HERC4: variants seen among roughly 807,000 people sequenced by gnomAD.
The protein encoded by HERC4 is HECT and RLD domain containing E3 ubiquitin protein ligase 4.
A neutral mutation model predicts 124.3 loss-of-function variants in HERC4; 28 were observed. The observed-to-expected ratio is 0.23, with a 90% confidence interval of 0.17 to 0.31. HERC4 has a LOEUF of 0.31. Among genes scored for constraint, HERC4 ranks in the 10% least tolerant of loss-of-function variants. HERC4 has a pLI of 1.00. For synonymous variants in HERC4, 407 were observed against 421.5 expected (o/e 0.97, Z 0.42); for missense variants, 713 against 1,229.3 (o/e 0.58, Z 6.28).
Position 67,940,973 on chromosome 10 carries a change from C to T in HERC4, c.2470G>A (p.Asp824Asn), listed in dbSNP as rs765282981. 3.1e-6 allele frequency: 5 copies of T among 1,611,212 alleles called. No homozygotes were observed. Among genetic ancestry groups the T allele is most frequent in the Non-Finnish European group, 8.5e-7 (1 of 1,179,322 alleles). Reference sequence around the variant, plus strand: ...TCAGGCATTAGTTCTTTCAAATCATCCAAGGATGGCTTCTTTTTCAGTAGT... The same window carrying T: ...TCAGGCATTAGTTCTTTCAAATCATTCAAGGATGGCTTCTTTTTCAGTAGT... ...KKLLKKKPSLDDLKELMPDVG... is the reference protein window; with the variant it reads ...KKLLKKKPSLNDLKELMPDVG... The change falls in exon 20 of 25, where the codon GAT becomes AAT. Residue 824 changes from aspartate to asparagine, a missense_variant. By Grantham distance (23) the Asp-to-Asn change is conservative. Transcript: ENST00000373700.
At chr10:67,926,349 A>C (rs1232338046) in intron 23 of HERC4, among the ~76,000 whole-genome samples, 1 of 151,948 alleles carries the variant, frequency 6.6e-6, no homozygotes, top group Non-Finnish European at 1.5e-5. Context: ...GTGAGCCAAG[A>C]CTGTGCCATT....
At chr10:67,987,063 T>C (rs1470113174) in intron 15 of HERC4, among the ~76,000 whole-genome samples, 1 of 152,106 alleles carries the variant, frequency 6.6e-6, no homozygotes, top group African/African-American at 2.4e-5. Flanking sequence ...GAGGTTCTAG[T>C]GGTTAGCAAG....
intron 11 of HERC4, 80 bp from the exon 12 acceptor site, chr10:67,991,279 G>T: frequency 1.3e-6 from 1 of 775,852 alleles, no homozygotes; most frequent in Non-Finnish European, 2.0e-6. Flanking sequence ...GAATTAAAAT[G>T]AATAATTAAT....
chr10:68,049,122 A>C (rs529475201), intron 3 of HERC4, among the ~76,000 whole-genome samples: 13 of 152,210 alleles, frequency 8.5e-5, no homozygotes, highest in Admixed American at 2.6e-4. Flanking sequence ...CAATAGCAAA[A>C]CACTGGAAAT....
At chr10:67,969,929 C>A (rs1474835808) in intron 15 of HERC4, among the ~76,000 whole-genome samples, 2 of 152,162 alleles carry the variant, frequency 1.3e-5, no homozygotes, top group Non-Finnish European at 2.9e-5. Context: ...GAGTAACAAG[C>A]AATACCAGTT....
chr10:68,019,277 T>A (rs1589339740), intron 8 of HERC4, among the ~76,000 whole-genome samples: 2 of 152,088 alleles, frequency 1.3e-5, no homozygotes, highest in South Asian at 4.1e-4. Flanking sequence ...ATTACAGGCG[T>A]GAGCCACTGC....
At chr10:68,025,826 A>T (rs1412262721) in intron 7 of HERC4, 150 bp from the exon 8 acceptor site, 1 of 656,010 alleles carries the variant, frequency 1.5e-6, no homozygotes, top group East Asian at 3.0e-5. Context: ...TGGCTCTTTC[A>T]AAGTAAAATG....
Position 67,941,026 on chromosome 10 carries a change from A to G in HERC4, c.2417T>C (p.Leu806Pro). Residue 806 changes from leucine to proline, a missense_variant, in exon 20 of 25, where the codon CTC becomes CCC. Coordinates refer to ENST00000373700, the MANE Select transcript of HERC4 (RefSeq NM_015601.4). ...LAIYNCTIVD[L>P]HFPLALYKKL... is the part of the protein sequence containing the mutation. ...CTTATATAAAGCCAAAGGAAAATGGAGGTCCACAATGGTACAATTATAAAT... is the reference window on the plus strand; with the variant it reads ...CTTATATAAAGCCAAAGGAAAATGGGGGTCCACAATGGTACAATTATAAAT... The G allele has an allele frequency of 6.2e-7, 1 of 1,611,572 alleles. No homozygotes were observed. The highest frequency in any genetic ancestry group is 8.5e-7 in the Non-Finnish European group (1 of 1,178,644).
intron 15 of HERC4, among the ~76,000 whole-genome samples, chr10:67,976,708 G>A (rs1217788941): frequency 2.0e-5 from 3 of 152,192 alleles, no homozygotes; most frequent in African/African-American, 7.2e-5. Flanking sequence ...CCTGGCAGAG[G>A]CATTGTGGTG....
At chr10:67,958,892 A>G (rs550253762) in intron 16 of HERC4, among the ~76,000 whole-genome samples, 90 of 152,328 alleles carry the variant, frequency 5.9e-4, no homozygotes, top group African/African-American at 2.0e-3. Flanking sequence ...TTGAGGCATC[A>G]TATAGGTGTA....
rs2036594010 is a variant in HERC4 at position 67,992,279 on chromosome 10, C to T, written c.1191G>A (p.Lys397=). The T allele has an allele frequency of 6.2e-7, 1 of 1,613,850 alleles. No homozygotes were observed. Among genetic ancestry groups the T allele is most frequent in the African/African-American group, 1.3e-5 (1 of 74,920 alleles). ...PDDFRCPNPT[K]QIWTVNEALI... ...GAGCTTCATTCACTGTCCAGATCTG[C>T]TTTGTCGGATTGGGACATCTGAAGT... Residue 397 remains lysine, a synonymous_variant, in exon 11 of 25, where the codon AAG becomes AAA. Coordinates refer to ENST00000373700, the MANE Select transcript of HERC4 (RefSeq NM_015601.4).
At chr10:67,997,790 T>C (rs2036976980) in intron 9 of HERC4, among the ~76,000 whole-genome samples, 1 of 152,230 alleles carries the variant, frequency 6.6e-6, no homozygotes, top group South Asian at 2.1e-4. Context: ...TAGGCCCTAA[T>C]CCACCATGAC....
chr10:68,073,056 T>A lies in HERC4; in HGVS notation c.53A>T (p.Asp18Val). Residue 18 changes from aspartate (D) to valine (V), a missense_variant, in exon 3 of 25, where the codon GAT becomes GTT. Coordinates refer to ENST00000373700, the MANE Select transcript of HERC4 (RefSeq NM_015601.4). ...SFGQLGLGGI[D>V]EEIVLEPRKS... is the part of the protein sequence containing the mutation. ...TCTGGGCTCTAGTACAATTTCTTCA[T>A]CAATTCCACCCAAACCTAGCTGCCC... 2 of 1,614,004 alleles carry A rather than the reference T, an allele frequency of 1.2e-6. No homozygotes were observed. Among genetic ancestry groups the A allele is most frequent in the Non-Finnish European group, 1.7e-6 (2 of 1,179,952 alleles).
At chr10:68,059,518 T>C (rs1445678122) in intron 3 of HERC4, among the ~76,000 whole-genome samples, 11 of 96,522 alleles carry the variant, frequency 1.1e-4, no homozygotes, top group Non-Finnish European at 1.6e-4. Flanking sequence ...ATATTATATA[T>C]CATAATAATA....
intron 15 of HERC4, among the ~76,000 whole-genome samples, chr10:67,968,517 C>T (rs531444625): frequency 2.6e-5 from 4 of 151,966 alleles, no homozygotes; most frequent in South Asian, 2.1e-4. Context: ...GGACTACAGG[C>T]GCCCACCACC....
chr10:67,979,518 C>A (rs1206481010), intron 15 of HERC4, among the ~76,000 whole-genome samples: 1 of 151,878 alleles, frequency 6.6e-6, no homozygotes, highest in Non-Finnish European at 1.5e-5. Context: ...ATAGATGGGG[C>A]AGAAAATTAA....
At chr10:67,993,649 T>G (rs1027084849) in intron 9 of HERC4, 1 of 152,202 alleles carries the variant, frequency 6.6e-6, no homozygotes, top group Non-Finnish European at 1.5e-5. Flanking sequence ...ATACAGCTCT[T>G]TGTTGGCAGC....
At chr10:68,005,145 T>C (rs758232643) in intron 9 of HERC4, among the ~76,000 whole-genome samples, 2 of 152,230 alleles carry the variant, frequency 1.3e-5, no homozygotes, top group African/African-American at 2.4e-5. Flanking sequence ...TTTATGCCAA[T>C]ATTATGCTGT....
At chr10:67,962,765 T>C (rs2034604450) in intron 16 of HERC4, among the ~76,000 whole-genome samples, 1 of 152,102 alleles carries the variant, frequency 6.6e-6, no homozygotes, top group East Asian at 1.9e-4. Flanking sequence ...ACCTAGAAAA[T>C]GCTCTTAGAA....
Sources: gnomAD v4.1 joint callset for allele counts (sites outside exome capture counted in the v4.1 genomes callset) on GRCh38, gnomAD v4.1.1 for gene constraint, MANE v1.5 for transcripts, NCBI Gene and HGNC (gene_info 2026-07-23, HGNC 2026-07-21) for gene names.